CDH4: variants seen among roughly 807,000 people sequenced by gnomAD.
The protein encoded by CDH4 is cadherin-4.
In CDH4, 33 loss-of-function variants were observed where a neutral mutation model predicts 86.0. That is an observed-to-expected ratio of 0.38 (90% CI 0.29 to 0.51). The LOEUF (loss-of-function observed/expected upper bound fraction) is 0.51. Ranked by LOEUF, CDH4 falls within the 20% of genes least tolerant of loss-of-function variation. The probability of loss-of-function intolerance (pLI) is 0.86; values close to 1 mark genes in which losing one functional copy is unlikely to be tolerated. For synonymous variants in CDH4, 555 were observed against 549.4 expected (o/e 1.01, Z -0.14); for missense variants, 1,114 against 1,307.4 (o/e 0.85, Z 2.28).
At chr20:61,500,295 C>G (rs905074519) in intron 2 of CDH4, among the ~76,000 whole-genome samples, 2 of 152,228 alleles carry the variant, frequency 1.3e-5, no homozygotes, top group Non-Finnish European at 2.9e-5. Context: ...ACCAAGGCAG[C>G]CACGTGCACA....
At chr20:61,413,628 C>T (rs1436510135) in intron 2 of CDH4, among the ~76,000 whole-genome samples, 1 of 152,244 alleles carries the variant, frequency 6.6e-6, no homozygotes, top group Non-Finnish European at 1.5e-5. Flanking sequence ...TGATTCCTGC[C>T]TGGCCATGGC....
rs191288878 is a variant in CDH4 at position 61,401,799 on chromosome 20, G to C, written c.169+146862G>C. 2.0e-5 allele frequency among the ~76,000 whole-genome samples: 3 copies of C among 152,296 alleles called. No homozygotes were observed. The East Asian group carries it at 5.8e-4, about 29-fold the overall frequency. On this transcript the variant is annotated intron_variant, in intron 2 of 15. Coordinates refer to ENST00000614565, the MANE Select transcript of CDH4 (RefSeq NM_001794.5). ...GCCTGGGTTACGGACCCACAGCTGA[G>C]GCCCCAGTGTAAGTGAAGGGTCAGC...
intron 2 of CDH4, among the ~76,000 whole-genome samples, chr20:61,301,890 T>G (rs576608741): frequency 1.3e-5 from 2 of 152,356 alleles, no homozygotes; most frequent in South Asian, 4.1e-4. Flanking sequence ...CTAGTTCAAT[T>G]AAAATCTGAA....
At chr20:61,288,708 G>C (rs980423003) in intron 2 of CDH4, among the ~76,000 whole-genome samples, 2 of 152,246 alleles carry the variant, frequency 1.3e-5, no homozygotes, top group Non-Finnish European at 1.5e-5. Flanking sequence ...GCCGGCTCCA[G>C]ACCTCACAGC....
chr20:61,798,436 C>A (rs1369408795), intron 4 of CDH4, among the ~76,000 whole-genome samples: 2 of 152,258 alleles, frequency 1.3e-5, no homozygotes, highest in East Asian at 1.9e-4. Flanking sequence ...CCGTGCGCAG[C>A]AGGCCTTGTG....
In CDH4 at chr20:61,517,811, G is replaced by A. The variant is rs1307126298; in HGVS notation, c.170-225752G>A. On this transcript the variant is annotated intron_variant, in intron 2 of 15. Transcript: ENST00000614565. The surrounding 1 kb of genome is among the most constrained non-coding windows in gnomAD (Gnocchi z 6.6). ...CATCCTGAAATACGTGGTCAGTCCA[G>A]GGTTCATCGTTTTAGCTGAGTTACC... Among the ~76,000 whole-genome samples, 1 of 152,222 alleles carries A rather than the reference G, an allele frequency of 6.6e-6. No homozygotes were observed. The highest frequency in any genetic ancestry group is 1.5e-5 in the Non-Finnish European group (1 of 68,040).
intron 3 of CDH4, among the ~76,000 whole-genome samples, chr20:61,765,154 A>G (rs1409622847): frequency 1.3e-5 from 2 of 152,070 alleles, no homozygotes; most frequent in Non-Finnish European, 2.9e-5. Context: ...CTGGGCAGGT[A>G]GGCTCTGACC....
At chr20:61,836,957 G>A (rs992952761) in intron 4 of CDH4, among the ~76,000 whole-genome samples, 1 of 152,244 alleles carries the variant, frequency 6.6e-6, no homozygotes, top group South Asian at 2.1e-4. Flanking sequence ...ACTTTGGGAG[G>A]CTGAGGCAGG....
At chr20:61,275,246 A>G (rs1184177495) in intron 2 of CDH4, among the ~76,000 whole-genome samples, 2,770 of 25,940 alleles carry the variant, frequency 0.11, no homozygotes, top group Middle Eastern at 0.12. Flanking sequence ...GTTTGGGGGA[A>G]TACCGTGTGC....
chr20:61,696,060 G>C (rs985345287), intron 2 of CDH4, among the ~76,000 whole-genome samples: 3 of 152,158 alleles, frequency 2.0e-5, no homozygotes, highest in Non-Finnish European at 4.4e-5. Context: ...TGTCCCACCT[G>C]CGTTTCCTGA....
At chr20:61,558,712 G>A (rs914145033) in intron 2 of CDH4, among the ~76,000 whole-genome samples, 3 of 152,344 alleles carry the variant, frequency 2.0e-5, no homozygotes, top group South Asian at 2.1e-4. Context: ...CATCCCGTGC[G>A]TCCCGTCTTT....
At chr20:61,598,421 G>A (rs1315863408) in intron 2 of CDH4, among the ~76,000 whole-genome samples, 1 of 150,084 alleles carries the variant, frequency 6.7e-6, no homozygotes, top group Non-Finnish European at 1.5e-5. Context: ...GACCTCAGCA[G>A]AGCATGCTCC....
intron 2 of CDH4, among the ~76,000 whole-genome samples, chr20:61,696,047 G>T (rs1419424532): frequency 6.6e-6 from 1 of 152,176 alleles, no homozygotes; most frequent in African/African-American, 2.4e-5. Context: ...TAGCCTACAG[G>T]TCTGTCCCAC....
At chr20:61,511,051 C>T (rs2085775754) in intron 2 of CDH4, among the ~76,000 whole-genome samples, 1 of 152,196 alleles carries the variant, frequency 6.6e-6, no homozygotes, top group Non-Finnish European at 1.5e-5. Flanking sequence ...TGGCCCATGC[C>T]ATTCATGACA....
intron 2 of CDH4, chr20:61,719,521 T>C (rs1164326789): frequency 4.7e-6 from 1 of 211,852 alleles, no homozygotes; most frequent in Non-Finnish European, 9.8e-6. Flanking sequence ...GAGAGATAAT[T>C]TCTCGGGAGT....
At chr20:61,747,753 A>C (rs145900727) in intron 3 of CDH4, among the ~76,000 whole-genome samples, 1 of 152,332 alleles carries the variant, frequency 6.6e-6, no homozygotes, top group East Asian at 1.9e-4. Flanking sequence ...AAAATACAGA[A>C]GCAACCGTAA....
At chr20:61,498,057 TGGGGTGG>T (rs1187996608) in intron 2 of CDH4, among the ~76,000 whole-genome samples, 4 of 72,682 alleles carry the variant, frequency 5.5e-5, no homozygotes, top group Non-Finnish European at 2.5e-5. Context: ...GGGCCTGTCA[TGGGGTGG>T]GGGGAGGGGG....
chr20:61,624,671 A>G (rs2145779267), intron 2 of CDH4, among the ~76,000 whole-genome samples: 1 of 152,348 alleles, frequency 6.6e-6, no homozygotes, highest in African/African-American at 2.4e-5. Context: ...GAGGGCAAAA[A>G]GACTTCAGAA....
chr20:61,627,566 T>C (rs2086840456), intron 2 of CDH4, among the ~76,000 whole-genome samples: 2 of 152,154 alleles, frequency 1.3e-5, no homozygotes, highest in Admixed American at 1.3e-4. Context: ...CATGGAGAGC[T>C]CTTTGTGTCG....
Sources: allele counts gnomAD v4.1 joint callset (sites outside exome capture counted in the v4.1 genomes callset), GRCh38; gene constraint gnomAD v4.1.1; non-coding constraint Gnocchi (gnomAD v3.1); transcripts MANE v1.5; gene names NCBI Gene and HGNC (gene_info 2026-07-23, HGNC 2026-07-21).